ST6GALNAC3: variants seen among roughly 807,000 people sequenced by gnomAD.
The protein encoded by ST6GALNAC3 is alpha-N-acetylgalactosaminide alpha-2,6-sialyltransferase 3.
ST6GALNAC3 carries 25 observed loss-of-function variants against 32.7 expected under a neutral mutation model. The observed-to-expected ratio is 0.76, with a 90% CI of 0.56 to 1.07. ST6GALNAC3 has a LOEUF of 1.07. Ranked by LOEUF, ST6GALNAC3 falls within the 50% of genes least tolerant of loss-of-function variation. The pLI, the probability that ST6GALNAC3 is intolerant of heterozygous loss-of-function variation, is 0.00. For missense variants in ST6GALNAC3, 355 were observed against 382.4 expected (o/e 0.93, Z 0.60); for synonymous variants, 129 against 133.1 (o/e 0.97, Z 0.21).
At chr1:76,513,898 C>T (rs6663343) in intron 3 of ST6GALNAC3, among the ~76,000 whole-genome samples, 93,486 of 151,972 alleles carry the variant, frequency 0.62, 28,807 homozygotes, top group East Asian at 0.67. Context: ...TATTCCTAGA[C>T]ATCTTAATTT....
chr1:76,430,050 A>G (rs1008561240), intron 3 of ST6GALNAC3, among the ~76,000 whole-genome samples: 4 of 152,220 alleles, frequency 2.6e-5, no homozygotes, highest in African/African-American at 9.6e-5. Context: ...TTTCTGTGTG[A>G]AATTCAATCT....
At chr1:76,319,162 C>T (rs746754989) in intron 2 of ST6GALNAC3, among the ~76,000 whole-genome samples, 5 of 152,096 alleles carry the variant, frequency 3.3e-5, no homozygotes, top group Non-Finnish European at 7.4e-5. Flanking sequence ...ATAGGATCTT[C>T]CCCTTAAGAT....
At chr1:76,090,674 C>G (rs956831261) in intron 1 of ST6GALNAC3, among the ~76,000 whole-genome samples, 1 of 152,218 alleles carries the variant, frequency 6.6e-6, no homozygotes, top group African/African-American at 2.4e-5. Flanking sequence ...CACTCAGCCT[C>G]TTATTATTTT....
downstream of ST6GALNAC3, among the ~76,000 whole-genome samples, chr1:76,634,951 G>A (rs180756897): frequency 2.0e-5 from 3 of 150,894 alleles, 1 homozygote; most frequent in Non-Finnish European, 4.4e-5. Flanking sequence ...CGCCCGCCTC[G>A]GCCTCCCAAA....
At chr1:76,390,850 A>G (rs1393254610) in intron 2 of ST6GALNAC3, among the ~76,000 whole-genome samples, 1 of 151,414 alleles carries the variant, frequency 6.6e-6, no homozygotes, top group Non-Finnish European at 1.5e-5. Flanking sequence ...GGGAAATATA[A>G]TGCTATAACT....
chr1:76,257,349 C>T (rs960485499), intron 1 of ST6GALNAC3, among the ~76,000 whole-genome samples: 3 of 152,076 alleles, frequency 2.0e-5, no homozygotes, highest in African/African-American at 7.2e-5. Context: ...GTTCTAAAGC[C>T]TGCATGTGCG....
chr1:76,418,193 T>C (rs1571166636), intron 3 of ST6GALNAC3, among the ~76,000 whole-genome samples: 1 of 152,258 alleles, frequency 6.6e-6, no homozygotes, highest in East Asian at 1.9e-4. Context: ...TTTGAAAGTT[T>C]CTTGTGTCAT....
At position 76,465,205 on chromosome 1, in the gene ST6GALNAC3, G is replaced by A. The variant is rs1044413617; in HGVS notation, c.623+52788G>A. 2.0e-5 allele frequency among the ~76,000 whole-genome samples: 3 copies of A among 152,146 alleles called. No homozygotes were observed. The East Asian group carries it at 5.8e-4, about 29-fold the overall frequency. ...CTGCATGTCAGATATTGAGTCATTC[G>A]CTGCATGGCCCAATTAACCTTTCTT... On this transcript the variant is annotated intron_variant, in intron 3 of 4. Coordinates refer to ENST00000328299, the MANE Select transcript of ST6GALNAC3 (RefSeq NM_152996.4).
rs1201553433 is a variant in ST6GALNAC3 at position 76,112,256 on chromosome 1, C to A, written c.18+37372C>A. Among the ~76,000 whole-genome samples the A allele has an allele frequency of 2.8e-5, 4 of 143,044 alleles. 1 individual carries two copies. Among genetic ancestry groups the A allele is most frequent in the Admixed American group, 2.7e-4 (4 of 14,780 alleles). 93.8% of individuals were successfully genotyped at this position (143,044 alleles called of 152,430 possible). A position where few individuals can be genotyped will look rare whatever the true frequency, so the allele number is the denominator to read the frequency against. Reference sequence around the variant, plus strand: ...GCCGGGCGGGGGGCTGACCCCCCCACCTCCTTCCTGGACAGGGCGGCTGGC... The same window carrying A: ...GCCGGGCGGGGGGCTGACCCCCCCAACTCCTTCCTGGACAGGGCGGCTGGC... On this transcript the variant is annotated intron_variant, in intron 1 of 4. Transcript: ENST00000328299.
intron 1 of ST6GALNAC3, among the ~76,000 whole-genome samples, chr1:76,121,739 A>G (rs1318116053): frequency 6.6e-6 from 1 of 152,186 alleles, no homozygotes; most frequent in Non-Finnish European, 1.5e-5. Flanking sequence ...AATGTGGGTC[A>G]GATCACACCA....
chr1:76,615,930 T>C (rs74938917), intron 3 of ST6GALNAC3, among the ~76,000 whole-genome samples: 1,837 of 152,104 alleles, frequency 0.012, 16 homozygotes, highest in Middle Eastern at 0.031. Flanking sequence ...CCCTTAAAAG[T>C]GTTGGAATGT....
chr1:76,582,945 T>G (rs1570361299), intron 3 of ST6GALNAC3, among the ~76,000 whole-genome samples: 1 of 152,314 alleles, frequency 6.6e-6, no homozygotes, highest in South Asian at 2.1e-4. Flanking sequence ...ATGTACCATT[T>G]AATACTGCCC....
intron 3 of ST6GALNAC3, among the ~76,000 whole-genome samples, chr1:76,605,887 A>G: frequency 6.8e-6 from 1 of 147,188 alleles, no homozygotes; most frequent in Non-Finnish European, 1.5e-5. Flanking sequence ...AAAAAAAAAA[A>G]AAGGATGGGC....
intron 3 of ST6GALNAC3, among the ~76,000 whole-genome samples, chr1:76,548,416 C>T (rs1195656326): frequency 6.6e-6 from 1 of 152,156 alleles, no homozygotes; most frequent in Non-Finnish European, 1.5e-5. Flanking sequence ...AGTCAAGGAC[C>T]AGGCAGCCTT....
intron 1 of ST6GALNAC3, among the ~76,000 whole-genome samples, chr1:76,270,204 C>G (rs1658758660): frequency 6.6e-6 from 1 of 152,068 alleles, no homozygotes; most frequent in Non-Finnish European, 1.5e-5. Context: ...ATTTACTTGA[C>G]AAAATGAAAA....
At chr1:76,383,877 A>G (rs1651904631) in intron 2 of ST6GALNAC3, among the ~76,000 whole-genome samples, 1 of 152,178 alleles carries the variant, frequency 6.6e-6, no homozygotes, top group Non-Finnish European at 1.5e-5. Context: ...CAATTTTAGG[A>G]TGATTACTAA....
chr1:76,153,954 G>C (rs1445439949), intron 1 of ST6GALNAC3, among the ~76,000 whole-genome samples: 1 of 152,172 alleles, frequency 6.6e-6, no homozygotes, highest in Non-Finnish European at 1.5e-5. Flanking sequence ...CTGGCTTAAA[G>C]AGTTGGCTTG....
intron 3 of ST6GALNAC3, among the ~76,000 whole-genome samples, chr1:76,547,861 C>CA (rs34464699): frequency 0.018 from 2,163 of 123,278 alleles, 37 homozygotes; most frequent in African/African-American, 0.058. Context: ...GATTCTGTCT[C>CA]AAAAAAAAAA....
At chr1:76,170,120 CCCAACT>C (rs2100414769) in intron 1 of ST6GALNAC3, among the ~76,000 whole-genome samples, 1 of 152,248 alleles carries the variant, frequency 6.6e-6, no homozygotes, top group South Asian at 2.1e-4. Flanking sequence ...ACATTCAGCT[CCCAACT>C]CCTGCACTGT....
Sources: allele counts gnomAD v4.1 joint callset (sites outside exome capture counted in the v4.1 genomes callset), GRCh38; gene constraint gnomAD v4.1.1; transcripts MANE v1.5; gene names NCBI Gene and HGNC (gene_info 2026-07-23, HGNC 2026-07-21).